SH3RF3: variants seen among roughly 807,000 people sequenced by gnomAD.
The protein encoded by SH3RF3 is E3 ubiquitin-protein ligase SH3RF3.
Under a neutral mutation model 66.3 loss-of-function variants are expected in SH3RF3, and 29 were observed. The ratio of observed to expected loss-of-function variants is 0.44; its 90% CI spans 0.33 to 0.60. The LOEUF is 0.60. Ranked by LOEUF, SH3RF3 falls within the 20% of genes least tolerant of loss-of-function variation. The probability of loss-of-function intolerance (pLI) is 0.04; values close to 1 mark genes in which losing one functional copy is unlikely to be tolerated. For missense variants in SH3RF3, 1,194 were observed against 1,190.9 expected (o/e 1.00, Z -0.04); for synonymous variants, 583 against 532.0 (o/e 1.10, Z -1.32).
chr2:109,274,864 G>T (rs1183479429), intron 1 of SH3RF3, among the ~76,000 whole-genome samples: 1 of 151,024 alleles, frequency 6.6e-6, no homozygotes, highest in Non-Finnish European at 1.5e-5. Context: ...ATGTAAAATT[G>T]TCCCCACCAT....
chr2:109,360,247 T>C (rs899692435), intron 2 of SH3RF3, among the ~76,000 whole-genome samples: 3 of 152,218 alleles, frequency 2.0e-5, no homozygotes, highest in Admixed American at 6.5e-5. Context: ...ATTAATAATA[T>C]GTCATATTTT....
rs182903231 is a variant in SH3RF3 at position 109,382,725 on chromosome 2, C to T, written c.945+11044C>T. Among the ~76,000 whole-genome samples the T allele has an allele frequency of 9.2e-5, 14 of 152,328 alleles. No individual in the cohort carries two copies. The East Asian group carries it at 2.3e-3, about 25-fold the overall frequency. On this transcript the variant is annotated intron_variant, in intron 3 of 9. Coordinates refer to ENST00000309415, the MANE Select transcript of SH3RF3 (RefSeq NM_001099289.3). Reference sequence around the variant, plus strand: ...GAAGAGGAAGGCTCCATTCTCCTGGCGAGAGATGCAGCCAAGCCCCATCCA... The same window carrying T: ...GAAGAGGAAGGCTCCATTCTCCTGGTGAGAGATGCAGCCAAGCCCCATCCA...
chr2:109,481,502 G>A (rs1267190067), intron 8 of SH3RF3, among the ~76,000 whole-genome samples: 3 of 152,150 alleles, frequency 2.0e-5, no homozygotes, highest in South Asian at 2.1e-4. Flanking sequence ...GAACCTCCTC[G>A]GCCTGTTATT....
intron 4 of SH3RF3, among the ~76,000 whole-genome samples, chr2:109,418,463 G>A (rs1676782940): frequency 6.6e-6 from 1 of 152,106 alleles, no homozygotes; most frequent in Non-Finnish European, 1.5e-5. Flanking sequence ...GCTCCCTCCT[G>A]GCTTTGGTGG....
In SH3RF3 at chr2:109,129,336, CCGCCACGCAGGCCGG is replaced by C. The variant is rs1308435212; in HGVS notation, c.-204_-190del. ...CTGGGCGGGCTCGGCTGGCCGGTCC[CCGCCACGCAGGCCGG>C]TCCCCGCCACGCAGGCCGGTCGGTG... On this transcript the variant is annotated 5_prime_UTR_variant, in exon 1 of 10. Transcript: ENST00000309415. 9.2e-3 allele frequency: 13 copies of C among 1,408 alleles called. No homozygotes were observed. The highest frequency in any genetic ancestry group is 0.033 in the South Asian group (3 of 90). The allele number at this position is 1,408 out of a possible 1,614,324, so 0.1% of individuals were successfully genotyped here.
At chr2:109,390,779 G>A (rs1185860577) in intron 3 of SH3RF3, among the ~76,000 whole-genome samples, 1 of 152,194 alleles carries the variant, frequency 6.6e-6, no homozygotes, top group Non-Finnish European at 1.5e-5. Context: ...GCCTCACAGG[G>A]GCGGTCGCTT....
At chr2:109,223,588 G>A (rs529407272) in intron 1 of SH3RF3, among the ~76,000 whole-genome samples, 4 of 152,162 alleles carry the variant, frequency 2.6e-5, no homozygotes, top group African/African-American at 9.6e-5. Flanking sequence ...TCAAGCATCG[G>A]TGGAGGGCAG....
chr2:109,493,768 C>T (rs1433569423), intron 9 of SH3RF3, among the ~76,000 whole-genome samples: 1 of 152,062 alleles, frequency 6.6e-6, no homozygotes, highest in African/African-American at 2.4e-5. Context: ...ACCAAACATG[C>T]ACTGCACACA....
chr2:109,357,445 T>C (rs970806263), intron 2 of SH3RF3, among the ~76,000 whole-genome samples: 7 of 152,190 alleles, frequency 4.6e-5, no homozygotes, highest in Non-Finnish European at 8.8e-5. Context: ...CCTCCCAAAG[T>C]GCTGGGATTA....
intron 7 of SH3RF3, 54 bp from the exon 8 acceptor site, chr2:109,449,116 T>C (rs1327462132): frequency 6.4e-7 from 1 of 1,557,376 alleles, no homozygotes; most frequent in Non-Finnish European, 8.7e-7. Flanking sequence ...CTGGCAGGCA[T>C]GGCAAGTTGC....
intron 1 of SH3RF3, among the ~76,000 whole-genome samples, chr2:109,194,113 A>G (rs532963712): frequency 1.7e-4 from 26 of 152,390 alleles, no homozygotes; most frequent in African/African-American, 6.0e-4. Context: ...CGCTGGATGC[A>G]TGGGCAGTTG....
rs902934081 is a variant in SH3RF3, at chr2:109,304,960, A to G, written c.574-42714A>G. On this transcript the variant is annotated intron_variant, in intron 1 of 9. Transcript: ENST00000309415. ...TGTCCTGTCTGTAAAATCAGCGTCA[A>G]CTTATGAGTAGGAATGTTTAATGTG... Among the ~76,000 whole-genome samples, 5 of 152,180 alleles carry G rather than the reference A, an allele frequency of 3.3e-5. No homozygotes were observed. The South Asian group carries it at 6.2e-4, about 19-fold the overall frequency.
At chr2:109,347,369 C>T (rs957421372) in intron 1 of SH3RF3, among the ~76,000 whole-genome samples, 11 of 152,122 alleles carry the variant, frequency 7.2e-5, no homozygotes, top group Non-Finnish European at 1.3e-4. Context: ...TAAATGAAGA[C>T]AAGCCAGCAC....
chr2:109,497,838 C>T (rs970906044), intron 9 of SH3RF3, among the ~76,000 whole-genome samples: 1 of 152,250 alleles, frequency 6.6e-6, no homozygotes, highest in Non-Finnish European at 1.5e-5. Context: ...TATTTCACAT[C>T]TGGAAGTTGA....
At chr2:109,345,877 A>G (rs774845608) in intron 1 of SH3RF3, among the ~76,000 whole-genome samples, 2 of 152,098 alleles carry the variant, frequency 1.3e-5, no homozygotes, top group African/African-American at 2.4e-5. Context: ...GGTGTTTGGC[A>G]GTGTCCCTGG....
At chr2:109,361,214 G>A (rs961241728) in intron 2 of SH3RF3, among the ~76,000 whole-genome samples, 1 of 152,012 alleles carries the variant, frequency 6.6e-6, no homozygotes, top group African/African-American at 2.4e-5. Context: ...ATACCTTGTT[G>A]GATTAAATTT....
chr2:109,348,143 G>C (rs543685596), intron 2 of SH3RF3, among the ~76,000 whole-genome samples, 194 bp downstream of exon 2: 2 of 152,200 alleles, frequency 1.3e-5, no homozygotes, highest in Non-Finnish European at 2.9e-5. Flanking sequence ...TTTTTTGGTT[G>C]AATGCTATGG....
intron 1 of SH3RF3, among the ~76,000 whole-genome samples, chr2:109,280,054 G>A (rs753949021): frequency 3.3e-5 from 5 of 152,130 alleles, no homozygotes; most frequent in Non-Finnish European, 5.9e-5. Flanking sequence ...TGCCAGCCAG[G>A]CTCCCCTCCT....
intron 1 of SH3RF3, among the ~76,000 whole-genome samples, chr2:109,208,032 G>A (rs779388479): frequency 3.3e-5 from 5 of 152,202 alleles, no homozygotes; most frequent in Non-Finnish European, 7.3e-5. Context: ...ACTTTAGCAT[G>A]CGATTTGTTA....
Sources: allele counts gnomAD v4.1 joint callset (sites outside exome capture counted in the v4.1 genomes callset), GRCh38; gene constraint gnomAD v4.1.1; transcripts MANE v1.5; gene names NCBI Gene and HGNC (gene_info 2026-07-23, HGNC 2026-07-21).